NINL: variants seen among roughly 807,000 people sequenced by gnomAD.
NINL encodes ninein like, also known as ninein-like protein.
In NINL, 153 loss-of-function variants were observed where a neutral mutation model predicts 160.3. That is an observed-to-expected ratio of 0.95 (90% CI 0.84 to 1.09). NINL has a LOEUF of 1.09. NINL is among the 50% of genes least tolerant of loss of function. The probability of loss-of-function intolerance (pLI) is 0.00; values close to 1 mark genes in which losing one functional copy is unlikely to be tolerated. For missense variants in NINL, 1,829 were observed against 1,764.0 expected, an observed-to-expected ratio of 1.04 and a Z score of -0.66; for synonymous variants, 800 against 734.8, an observed-to-expected ratio of 1.09 and a Z score of -1.43.
chr20:25,489,372 G>A (rs374414449), intron 12 of NINL, 48 bp from the exon 13 acceptor site: 51 of 1,551,196 alleles, frequency 3.3e-5, no homozygotes, highest in Non-Finnish European at 4.3e-5. Context: ...CGGGCCAGAG[G>A]GGGACCTGCT....
chr20:25,574,581 C>T (rs569183345), intron 1 of NINL, among the ~76,000 whole-genome samples: 1 of 152,170 alleles, frequency 6.6e-6, no homozygotes, highest in Non-Finnish European at 1.5e-5. Flanking sequence ...AGGAAGTGTC[C>T]ACATCTCCCC....
chr20:25,495,216 G>A (rs1438886683), intron 10 of NINL, among the ~76,000 whole-genome samples: 2 of 152,134 alleles, frequency 1.3e-5, no homozygotes, highest in Non-Finnish European at 1.5e-5. Context: ...TTTGGTAAAG[G>A]AGCAGCAGCT....
chr20:25,560,920 G>C (rs1250652584), intron 1 of NINL, among the ~76,000 whole-genome samples: 1 of 151,784 alleles, frequency 6.6e-6, no homozygotes, highest in Admixed American at 6.6e-5. Flanking sequence ...GCCACCAACA[G>C]ACCTGCTCTA....
chr20:25,472,560 T>C (rs2063132335), intron 17 of NINL, among the ~76,000 whole-genome samples: 1 of 150,812 alleles, frequency 6.6e-6, no homozygotes. Context: ...TTTTCCCTTT[T>C]GCTCTGCCGC....
chr20:25,569,729 C>T (rs997324089), intron 1 of NINL, among the ~76,000 whole-genome samples: 1 of 152,276 alleles, frequency 6.6e-6, no homozygotes, highest in East Asian at 1.9e-4. Flanking sequence ...GGAGCAAGCA[C>T]GGAGGCGGAG....
intron 4 of NINL, among the ~76,000 whole-genome samples, chr20:25,511,148 T>C (rs184106349): frequency 1.4e-4 from 22 of 152,262 alleles, no homozygotes; most frequent in Non-Finnish European, 2.2e-4. Flanking sequence ...CAGCCAATCA[T>C]TCAGTCTCAG....
intron 20 of NINL, 141 bp from the exon 21 acceptor site, chr20:25,461,776 C>T (rs1600995806): frequency 1.6e-6 from 1 of 613,572 alleles, no homozygotes; most frequent in South Asian, 1.9e-5. Flanking sequence ...CCAAGGCCGG[C>T]CCTGTGTCCT....
At chr20:25,463,418 G>A (rs1337284824) in intron 19 of NINL, among the ~76,000 whole-genome samples, 1 of 152,118 alleles carries the variant, frequency 6.6e-6, no homozygotes, top group Non-Finnish European at 1.5e-5. Context: ...CTCTTGGCAG[G>A]GTACATAGGT....
At chr20:25,537,363 G>T (rs909227905) in intron 1 of NINL, among the ~76,000 whole-genome samples, 3 of 152,236 alleles carry the variant, frequency 2.0e-5, no homozygotes, top group African/African-American at 7.2e-5. Context: ...GATTACAGGT[G>T]TGAGCCACCA....
At position 25,476,830 on chromosome 20, in the gene NINL, AG is replaced by A. The variant is rs1568872936; in HGVS notation, c.2460del (p.Ser821ProfsTer142). 6.2e-7 allele frequency: 1 copy of A among 1,613,226 alleles called. No homozygotes were observed. The highest frequency in any genetic ancestry group is 1.7e-5 in the Admixed American group (1 of 60,012). The stretch of plus-strand genomic sequence containing the variant: ...AGGGCCTGCATCTCTGCTTCCAGGG[AG>A]GGCCCGTCCACTCGCTTCCCGCGGG... ...ELARGKRVDG[P>X]SLEAEMQALP... On this transcript the variant is annotated frameshift_variant, in exon 17 of 24. Coordinates refer to ENST00000278886, the MANE Select transcript of NINL (RefSeq NM_025176.6). LOFTEE classifies it high-confidence loss of function.
chr20:25,510,419 C>T lies in NINL; in HGVS notation c.517+255G>A, dbSNP rs575857833. On this transcript the variant is annotated intron_variant, in intron 5 of 23. Coordinates refer to ENST00000278886, the MANE Select transcript of NINL (RefSeq NM_025176.6). ...GCAGACCATAAAGTGTGACGAACCACGATGCTCCCTCGGCCACGGGCCTCT... is the reference window on the plus strand; with the variant it reads ...GCAGACCATAAAGTGTGACGAACCATGATGCTCCCTCGGCCACGGGCCTCT... Among the ~76,000 whole-genome samples the T allele has an allele frequency of 1.1e-3, 163 of 152,328 alleles. 4 individuals are homozygous for T. In the South Asian group the frequency reaches 0.029, roughly 27 times the overall value.
intron 23 of NINL, 110 bp downstream of exon 23, chr20:25,455,562 GA>G (rs1255619290): frequency 1.3e-6 from 1 of 755,170 alleles, no homozygotes; most frequent in Non-Finnish European, 2.3e-6. Flanking sequence ...TAGTTCCCTG[GA>G]ATTCTGTGAC....
rs57610428 is a variant in NINL at position 25,530,239 on chromosome 20, G to A, written c.-11-3641C>T. On this transcript the variant is annotated intron_variant, in intron 1 of 23. Coordinates refer to ENST00000278886, the MANE Select transcript of NINL (RefSeq NM_025176.6). ...AGAACAGATGGGCGGTGAGGCACACGCACGTACATAACACATAGACACACA... is the reference window on the plus strand; with the variant it reads ...AGAACAGATGGGCGGTGAGGCACACACACGTACATAACACATAGACACACA... Among the ~76,000 whole-genome samples the A allele has an allele frequency of 2.2e-4, 34 of 152,292 alleles. No homozygotes were observed. In the East Asian group the frequency reaches 3.1e-3, roughly 14 times the overall value.
intron 14 of NINL, among the ~76,000 whole-genome samples, chr20:25,481,058 T>C (rs571952696): frequency 5.7e-4 from 87 of 152,204 alleles, no homozygotes; most frequent in Admixed American, 9.8e-4. Flanking sequence ...CAGTCTCACA[T>C]GCACAAAAGC....
intron 4 of NINL, 94 bp downstream of exon 4, chr20:25,512,740 A>G (rs1032005267): frequency 1.5e-5 from 22 of 1,455,098 alleles, no homozygotes; most frequent in Non-Finnish European, 2.0e-5. Context: ...TGCCCTCCCC[A>G]TATCTTGTGA....
At chr20:25,490,723 C>T (rs573302643) in intron 11 of NINL, among the ~76,000 whole-genome samples, 149 of 152,050 alleles carry the variant, frequency 9.8e-4, no homozygotes, top group African/African-American at 3.2e-3. Flanking sequence ...CATCTGTAGA[C>T]GGTGGGGGAC....
intron 1 of NINL, among the ~76,000 whole-genome samples, chr20:25,550,543 C>A (rs951922514): frequency 6.6e-6 from 1 of 152,088 alleles, no homozygotes; most frequent in Non-Finnish European, 1.5e-5. Flanking sequence ...TATACTATCT[C>A]GGTGAGGGGG....
chr20:25,471,321 G>A (rs1157103553), intron 17 of NINL, among the ~76,000 whole-genome samples: 1 of 152,150 alleles, frequency 6.6e-6, no homozygotes, highest in Non-Finnish European at 1.5e-5. Flanking sequence ...GTAAACATAA[G>A]TATCTTCTTC....
rs1275097020 is a variant in NINL, at chr20:25,453,142, A to G, written c.*309T>C. Reference sequence around the variant, plus strand: ...TGGAAAGTGCTGTCCATAACTGCTCACTTACCTGCTCCTTGCTGACAGCTC... The same window carrying G: ...TGGAAAGTGCTGTCCATAACTGCTCGCTTACCTGCTCCTTGCTGACAGCTC... On this transcript the variant is annotated 3_prime_UTR_variant, in exon 24 of 24. Transcript: ENST00000278886. 1 of 268,710 alleles carries G rather than the reference A, an allele frequency of 3.7e-6. No homozygotes were observed. Among genetic ancestry groups the G allele is most frequent in the African/African-American group, 2.2e-5 (1 of 45,454 alleles). The allele number at this position is 268,710 out of a possible 1,614,324, so 16.6% of individuals were successfully genotyped here. A position where few individuals can be genotyped will look rare whatever the true frequency, so the allele number is the denominator to read the frequency against.
Sources: gnomAD v4.1 joint callset for allele counts (sites outside exome capture counted in the v4.1 genomes callset) on GRCh38, gnomAD v4.1.1 for gene constraint, MANE v1.5 for transcripts, NCBI Gene and HGNC (gene_info 2026-07-23, HGNC 2026-07-21) for gene names.